SEMA5A: variants seen among roughly 807,000 people sequenced by gnomAD.
SEMA5A encodes semaphorin-5A.
In SEMA5A, 55 loss-of-function variants were observed where a neutral mutation model predicts 135.5. The ratio of observed to expected loss-of-function variants is 0.41; its 90% CI spans 0.33 to 0.51. SEMA5A has a LOEUF of 0.51. SEMA5A is among the 20% of genes least tolerant of loss of function. The pLI, the probability that SEMA5A is intolerant of heterozygous loss-of-function variation, is 0.37. For synonymous variants in SEMA5A, 580 were observed against 546.5 expected (o/e 1.06, Z -0.85); for missense variants, 1,290 against 1,419.9 (o/e 0.91, Z 1.47).
At chr5:9,078,919 A>AG (rs1738219483) in intron 16 of SEMA5A, among the ~76,000 whole-genome samples, 1 of 152,162 alleles carries the variant, frequency 6.6e-6, no homozygotes, top group Non-Finnish European at 1.5e-5. Context: ...CCTGATGATT[A>AG]GTCTATGATA....
At chr5:9,100,551 C>T (rs1739569843) in intron 16 of SEMA5A, among the ~76,000 whole-genome samples, 1 of 152,136 alleles carries the variant, frequency 6.6e-6, no homozygotes, top group African/African-American at 2.4e-5. Context: ...TTAGCAGTGA[C>T]CTTGGTGACA....
At chr5:9,245,485 C>T (rs372311094) in intron 5 of SEMA5A, among the ~76,000 whole-genome samples, 3 of 152,086 alleles carry the variant, frequency 2.0e-5, no homozygotes, top group African/African-American at 7.2e-5. Flanking sequence ...CCTCGGTATC[C>T]AAGCATTTCT....
At chr5:9,265,149 CA>C (rs750285378) in intron 5 of SEMA5A, among the ~76,000 whole-genome samples, 2 of 152,060 alleles carry the variant, frequency 1.3e-5, no homozygotes, top group Non-Finnish European at 2.9e-5. Flanking sequence ...CCCATAGCCC[CA>C]AACCACCGCG....
At chr5:9,312,371 C>T (rs1314654112) in intron 5 of SEMA5A, among the ~76,000 whole-genome samples, 1 of 148,554 alleles carries the variant, frequency 6.7e-6, no homozygotes. Flanking sequence ...AAAATTATCA[C>T]AGTCTCTGAG....
At chr5:9,157,941 C>T (rs563797293) in intron 11 of SEMA5A, among the ~76,000 whole-genome samples, 1 of 152,206 alleles carries the variant, frequency 6.6e-6, no homozygotes, top group Non-Finnish European at 1.5e-5. Flanking sequence ...TACTTTACAA[C>T]ATTTACCATG....
chr5:9,535,913 A>C (rs1458277865), intron 1 of SEMA5A, among the ~76,000 whole-genome samples: 1 of 152,162 alleles, frequency 6.6e-6, no homozygotes, highest in African/African-American at 2.4e-5. Context: ...GTAACTGAAT[A>C]GCCATACGTG....
intron 1 of SEMA5A, among the ~76,000 whole-genome samples, chr5:9,495,705 T>C (rs1043418518): frequency 7.2e-5 from 11 of 152,206 alleles, no homozygotes; most frequent in Non-Finnish European, 1.2e-4. Context: ...CTCCCACTAG[T>C]TCTTGACAGA....
intron 1 of SEMA5A, among the ~76,000 whole-genome samples, chr5:9,457,900 CTTTTTTTTTTT>C (rs70943966): frequency 1.4e-5 from 1 of 70,162 alleles, no homozygotes; most frequent in African/African-American, 6.1e-5. Context: ...AGCATCTCTC[CTTTTTTTTTTT>C]TTTTTTTTTT....
intron 8 of SEMA5A, among the ~76,000 whole-genome samples, chr5:9,223,935 C>G (rs930188977): frequency 2.0e-5 from 3 of 152,116 alleles, no homozygotes; most frequent in Non-Finnish European, 4.4e-5. Context: ...CTGAAAGAAG[C>G]CTTCTAAGGG....
Position 9,062,911 on chromosome 5 carries a change from C to T in SEMA5A, c.2494G>A (p.Glu832Lys). The T allele has an allele frequency of 6.2e-7, 1 of 1,614,228 alleles. No homozygotes were observed. Among genetic ancestry groups the T allele is most frequent in the Non-Finnish European group, 8.5e-7 (1 of 1,180,042 alleles). The change falls in exon 18 of 23, where the codon GAA becomes AAA. Residue 832 changes from glutamate (E) to lysine (K), a missense_variant. Physicochemically the swap from Glu to Lys is moderately conservative, Grantham distance 56. Around this residue, in one of 3 missense-constraint regions of SEMA5A, gnomAD observed 1,029 missense variants for 1,086.6 expected, o/e 0.95. Transcript: ENST00000382496. ...PCLGPSLEYQ[E>K]CNILPCPVDG... is the part of the protein sequence containing the mutation. ...CCTGGGCAGGGCAAAATGTTGCATT[C>T]CTGGTATTCCAGAGATGGGCCAAGG... is the stretch of plus-strand genomic sequence containing the variant.
chr5:9,035,809 C>CTCAT lies in SEMA5A; in HGVS notation c.*7084_*7087dup, dbSNP rs1460106523. On this transcript the variant is annotated 3_prime_UTR_variant, in exon 23 of 23. Transcript: ENST00000382496. ...AGCATAGCAACCCAAGATCCATTTT[C>CTCAT]TCATTCAAACAAAGGGGAAATGTAA... 3 of 152,016 alleles carry CTCAT rather than the reference C, an allele frequency of 2.0e-5. No individual in the cohort carries two copies. The highest frequency in any genetic ancestry group is 4.4e-5 in the Non-Finnish European group (3 of 68,014). The allele number at this position is 152,016 out of a possible 1,614,324, so 9.4% of individuals were successfully genotyped here. A position where few individuals can be genotyped will look rare whatever the true frequency, so the allele number is the denominator to read the frequency against.
chr5:9,293,885 C>T (rs988265778), intron 5 of SEMA5A, among the ~76,000 whole-genome samples: 2 of 152,130 alleles, frequency 1.3e-5, no homozygotes, highest in Non-Finnish European at 1.5e-5. Context: ...TTGGTGGCCA[C>T]ATTAGCTGTA....
intron 6 of SEMA5A, among the ~76,000 whole-genome samples, chr5:9,231,421 G>A (rs1423531659): frequency 8.2e-6 from 1 of 121,880 alleles, no homozygotes; most frequent in Non-Finnish European, 1.6e-5. Context: ...GAGCCAAGAT[G>A]GCGCCACTGC....
At chr5:9,364,538 G>C (rs1754834124) in intron 3 of SEMA5A, among the ~76,000 whole-genome samples, 1 of 152,116 alleles carries the variant, frequency 6.6e-6, no homozygotes, top group Non-Finnish European at 1.5e-5. Context: ...GGAGAAAAAA[G>C]CTTAAGAGGT....
chr5:9,446,413 G>A (rs577827594), intron 1 of SEMA5A, among the ~76,000 whole-genome samples: 6 of 152,058 alleles, frequency 3.9e-5, no homozygotes, highest in Middle Eastern at 3.2e-3. Flanking sequence ...TCTGTTATGC[G>A]CTCTCTAAGG....
At chr5:9,495,521 T>C (rs1735259397) in intron 1 of SEMA5A, among the ~76,000 whole-genome samples, 1 of 152,120 alleles carries the variant, frequency 6.6e-6, no homozygotes, top group South Asian at 2.1e-4. Flanking sequence ...GAATCCCTAC[T>C]AGTGCCAGGC....
chr5:9,349,745 C>CA (rs530805204), intron 3 of SEMA5A, among the ~76,000 whole-genome samples: 1 of 151,732 alleles, frequency 6.6e-6, no homozygotes, highest in Non-Finnish European at 1.5e-5. Context: ...ACTAAAAATA[C>CA]AAAAAAATTA....
At chr5:9,259,085 G>T (rs1191985407) in intron 5 of SEMA5A, among the ~76,000 whole-genome samples, 1 of 152,098 alleles carries the variant, frequency 6.6e-6, no homozygotes, top group Non-Finnish European at 1.5e-5. Flanking sequence ...GCCTCCCAAA[G>T]TGCTGGGATT....
chr5:9,534,556 G>T (rs1737642157), intron 1 of SEMA5A, among the ~76,000 whole-genome samples: 1 of 152,168 alleles, frequency 6.6e-6, no homozygotes, highest in Non-Finnish European at 1.5e-5. Context: ...GCCAGCCAGT[G>T]TTGCATCCCC....
Sources: allele counts gnomAD v4.1 joint callset (sites outside exome capture counted in the v4.1 genomes callset), GRCh38; gene constraint gnomAD v4.1.1; regional missense constraint gnomAD v4.1.1; transcripts MANE v1.5; gene names NCBI Gene and HGNC (gene_info 2026-07-23, HGNC 2026-07-21).